Variants in AMMECR1 observed in about 807,000 individuals in gnomAD.
The protein encoded by AMMECR1 is AMMECR nuclear protein 1.
A neutral mutation model predicts 22.5 loss-of-function variants in AMMECR1; 3 were observed. That is an observed-to-expected ratio of 0.13 (90% CI 0.06 to 0.35). The LOEUF (loss-of-function observed/expected upper bound fraction) is 0.35, where lower values mean the gene tolerates loss of function less well. AMMECR1 is among the 10% of genes least tolerant of loss of function. The probability of loss-of-function intolerance (pLI) is 1.00; values close to 1 mark genes in which losing one functional copy is unlikely to be tolerated. For synonymous variants in AMMECR1, 130 were observed against 116.7 expected, an observed-to-expected ratio of 1.11 and a Z score of -0.74; for missense variants, 235 against 278.7, an observed-to-expected ratio of 0.84 and a Z score of 1.12.
In AMMECR1 at chrX:110,358,282, C is replaced by A. The variant is rs780486933; in HGVS notation, c.-147-40433G>T. 3.6e-5 allele frequency among the ~76,000 whole-genome samples: 4 copies of A among 110,892 alleles called. No individual in the cohort carries two copies. The East Asian group carries it at 1.1e-3, about 31-fold the overall frequency. On this transcript the variant is annotated intron_variant, in intron 2 of 7. Transcript: ENST00000372057. ...ATCACACCAAGAATATTTTTTTGCA[C>A]CTTTTTAGTTTGGAAGGGTCAAATT...
In AMMECR1 at chrX:110,419,040, C is replaced by T. The variant is rs1198777499; in HGVS notation, c.-148+7618G>A. 3 of 111,564 alleles carry T rather than the reference C, an allele frequency of 2.7e-5. No individual in the cohort carries two copies. The Admixed American group carries it at 2.8e-4, about 11-fold the overall frequency. 9.2% of individuals were successfully genotyped at this position (111,564 alleles called of 1,213,427 possible). On this transcript the variant is annotated intron_variant, in intron 2 of 7. Transcript: ENST00000372057. Reference sequence around the variant, plus strand: ...CTGATTCCTAGTTGTGGTGGGAAATCTCAGTCCGATTTGGAAGGCAAAGGG... The same window carrying T: ...CTGATTCCTAGTTGTGGTGGGAAATTTCAGTCCGATTTGGAAGGCAAAGGG...
At chrX:110,398,703 T>G (rs949200220) in intron 2 of AMMECR1, among the ~76,000 whole-genome samples, 1 of 112,160 alleles carries the variant, frequency 8.9e-6, no homozygotes, top group Non-Finnish European at 1.9e-5. Flanking sequence ...ACTCATTATA[T>G]TGGAAGTCAC....
intron 2 of AMMECR1, among the ~76,000 whole-genome samples, chrX:110,367,487 C>T (rs1016298012): frequency 3.6e-5 from 4 of 111,301 alleles, no homozygotes; most frequent in Non-Finnish European, 7.5e-5. Context: ...CAGTTTATCA[C>T]TCTCTCCTTG....
At chrX:110,277,940 T>TA (rs1399626012) in intron 1 of AMMECR1, among the ~76,000 whole-genome samples, 1 of 112,250 alleles carries the variant, frequency 8.9e-6, no homozygotes, top group Non-Finnish European at 1.9e-5. Context: ...TCATAACTCC[T>TA]AAAAGATCTT....
At chrX:110,282,676 T>C (rs891629210) in intron 1 of AMMECR1, among the ~76,000 whole-genome samples, 66 of 111,646 alleles carry the variant, frequency 5.9e-4, no homozygotes, top group African/African-American at 1.9e-3. Context: ...ATTAAGCAGG[T>C]AGTTCTTAAA....
Position 110,259,319 on chromosome X carries a change from A to G in AMMECR1, c.584+5170T>C, listed in dbSNP as rs773824217. Among the ~76,000 whole-genome samples the G allele has an allele frequency of 2.8e-4, 31 of 111,834 alleles. No individual in the cohort carries two copies. The South Asian group carries it at 0.012, about 42-fold the overall frequency. On this transcript the variant is annotated intron_variant, in intron 2 of 5. Transcript: ENST00000262844. The stretch of plus-strand genomic sequence containing the variant: ...ATTTCTTAGAATTAAGTAGTTCAAC[A>G]AAAGTGGCATAGTTCACAATCAAGT...
intron 1 of AMMECR1, among the ~76,000 whole-genome samples, chrX:110,296,412 T>C (rs1450542022): frequency 8.9e-6 from 1 of 111,962 alleles, no homozygotes; most frequent in Non-Finnish European, 1.9e-5. Flanking sequence ...ATGGAGCTTC[T>C]TGGATGTTAT....
At chrX:110,357,580 G>A (rs1569413591) in intron 2 of AMMECR1, among the ~76,000 whole-genome samples, 1 of 112,049 alleles carries the variant, frequency 8.9e-6, no homozygotes, top group Non-Finnish European at 1.9e-5. Context: ...AATAGTATTA[G>A]ATCTTTGGGC....
chrX:110,348,885 G>A (rs769629238), intron 2 of AMMECR1, among the ~76,000 whole-genome samples: 200 of 111,538 alleles, frequency 1.8e-3, no homozygotes, highest in Middle Eastern at 4.6e-3. Context: ...TATGAAAACA[G>A]GTTTTTACTT....
intron 2 of AMMECR1, among the ~76,000 whole-genome samples, chrX:110,410,170 G>C (rs758939207): frequency 9.0e-6 from 1 of 111,374 alleles, no homozygotes; most frequent in Non-Finnish European, 1.9e-5. Context: ...AGCAAGTCAT[G>C]GCAGAGTTGG....
chrX:110,297,443 G>T (rs148262645), intron 1 of AMMECR1, among the ~76,000 whole-genome samples: 2,680 of 111,715 alleles, frequency 0.024, 79 homozygotes, highest in African/African-American at 0.083. Flanking sequence ...GGGATAAGAT[G>T]TGAGGAGCTT....
intron 1 of AMMECR1, among the ~76,000 whole-genome samples, chrX:110,296,678 G>A (rs2148215677): frequency 9.0e-6 from 1 of 110,934 alleles, no homozygotes; most frequent in South Asian, 3.8e-4. Context: ...TTCATCTATT[G>A]TAATTTCCAA....
rs12008640 is a variant in AMMECR1, at chrX:110,411,261, C to T, written c.-148+15397G>A. Among the ~76,000 whole-genome samples, 463 of 111,819 alleles carry T rather than the reference C, an allele frequency of 4.1e-3. 2 individuals carry two copies. Among genetic ancestry groups the T allele is most frequent in the African/African-American group, 0.013 (414 of 30,764 alleles). On this transcript the variant is annotated intron_variant, in intron 2 of 7. Transcript: ENST00000372057. The stretch of plus-strand genomic sequence containing the variant: ...GTATCACTGGCATGGAAGTCAGTAG[C>T]CTCAAGATCTGGGAAGAGTTTGGTC...
At position 110,280,389 on chromosome X, in the gene AMMECR1, A is replaced by G. The variant is rs185072993; in HGVS notation, c.474-15790T>C. On this transcript the variant is annotated intron_variant, in intron 1 of 5. Coordinates refer to ENST00000262844, the MANE Select transcript of AMMECR1 (RefSeq NM_015365.3). ...CTAGAAATTAGACCAAGCAGAGGTA[A>G]AATTGTTGACATTATGTGCCATAAA... Among the ~76,000 whole-genome samples, 521 of 111,633 alleles carry G rather than the reference A, an allele frequency of 4.7e-3. 3 individuals carry two copies. Among genetic ancestry groups the G allele is most frequent in the African/African-American group, 0.016 (507 of 30,817 alleles).
intron 2 of AMMECR1, among the ~76,000 whole-genome samples, chrX:110,341,878 C>A (rs142648783): frequency 1.5e-3 from 163 of 111,272 alleles, no homozygotes; most frequent in African/African-American, 4.6e-3. Flanking sequence ...GCCTAGGCCA[C>A]ATGGTGAAAC....
chrX:110,402,282 G>GT (rs1318873482), intron 2 of AMMECR1, among the ~76,000 whole-genome samples: 1 of 113,090 alleles, frequency 8.8e-6, no homozygotes, highest in African/African-American at 3.2e-5. Context: ...ATAAATATTT[G>GT]TTTTTTGCCT....
intron 1 of AMMECR1, among the ~76,000 whole-genome samples, chrX:110,306,356 A>G (rs967507842): frequency 1.8e-5 from 2 of 112,553 alleles, no homozygotes; most frequent in African/African-American, 6.4e-5. Flanking sequence ...TAATGCCTTT[A>G]GTTTATTCAT....
intron 5 of AMMECR1, among the ~76,000 whole-genome samples, chrX:110,200,690 G>T (rs1190913398): frequency 1.8e-5 from 2 of 111,852 alleles, no homozygotes; most frequent in Non-Finnish European, 3.8e-5. Context: ...CAATAAAGTA[G>T]TCTAAAATCT....
At chrX:110,381,107 C>T (rs1271302000) in intron 2 of AMMECR1, among the ~76,000 whole-genome samples, 1 of 111,475 alleles carries the variant, frequency 9.0e-6, no homozygotes, top group East Asian at 2.8e-4. Flanking sequence ...CTAATTAAAC[C>T]AAAGAGCTTC....
Sources: allele counts gnomAD v4.1 joint callset (sites outside exome capture counted in the v4.1 genomes callset), GRCh38; gene constraint gnomAD v4.1.1; transcripts MANE v1.5; gene names NCBI Gene and HGNC (gene_info 2026-07-23, HGNC 2026-07-21).